Variants in VDAC1 observed in about 807,000 individuals in gnomAD.
VDAC1 encodes the protein voltage dependent anion channel 1.
VDAC1 carries 10 observed loss-of-function variants against 34.7 expected under a neutral mutation model. The ratio of observed to expected loss-of-function variants is 0.29; its 90% CI spans 0.18 to 0.49. The LOEUF is 0.49. Ranked by LOEUF, VDAC1 falls within the 20% of genes least tolerant of loss-of-function variation. The probability of loss-of-function intolerance (pLI) is 0.99; values close to 1 mark genes in which losing one functional copy is unlikely to be tolerated. For synonymous variants in VDAC1, 130 were observed against 136.0 expected (o/e 0.96, Z 0.30); for missense variants, 230 against 347.9 (o/e 0.66, Z 2.69).
the VDAC1 span, among the ~76,000 whole-genome samples, chr5:134,109,954 GCA>G: frequency 3.7e-4 from 56 of 152,268 alleles, no homozygotes; most frequent in African/African-American, 1.3e-3. Flanking sequence ...CTAGGACCTG[GCA>G]CACAGTGGCC....
the VDAC1 span, among the ~76,000 whole-genome samples, chr5:134,012,789 A>C: frequency 6.6e-6 from 1 of 152,194 alleles, no homozygotes; most frequent in Non-Finnish European, 1.5e-5. Flanking sequence ...TAACCAAAGG[A>C]TCCTAAGCAA....
chr5:134,028,072 T>C, the VDAC1 span, among the ~76,000 whole-genome samples: 1 of 150,692 alleles, frequency 6.6e-6, no homozygotes, highest in East Asian at 2.0e-4. Flanking sequence ...TGCCTGGCCA[T>C]GTCCAGGTAT....
the VDAC1 span, among the ~76,000 whole-genome samples, chr5:134,051,781 C>T: frequency 2.0e-5 from 3 of 152,082 alleles, no homozygotes; most frequent in South Asian, 4.1e-4. Flanking sequence ...TCACTGCAAC[C>T]TCCACCTCCC....
the VDAC1 span, among the ~76,000 whole-genome samples, chr5:134,051,493 T>A: frequency 6.6e-6 from 1 of 152,180 alleles, no homozygotes; most frequent in Non-Finnish European, 1.5e-5. Flanking sequence ...TGCCCTTCTG[T>A]GAGCTTGATC....
the VDAC1 span, among the ~76,000 whole-genome samples, chr5:134,073,229 A>G: frequency 1.3e-5 from 2 of 152,126 alleles, no homozygotes; most frequent in African/African-American, 4.8e-5. Context: ...CTCCTTGAAT[A>G]TTGTCTTCCT....
chr5:134,040,677 A>G, the VDAC1 span, among the ~76,000 whole-genome samples: 1 of 152,322 alleles, frequency 6.6e-6, no homozygotes, highest in East Asian at 1.9e-4. Flanking sequence ...CGGTGAGCCA[A>G]TATCGTACTG....
At chr5:134,077,623 C>A in the VDAC1 span, among the ~76,000 whole-genome samples, 443 of 152,344 alleles carry the variant, frequency 2.9e-3, 3 homozygotes, top group African/African-American at 9.9e-3. Flanking sequence ...GAGCTTAATG[C>A]ATACTCGCTC....
the VDAC1 span, among the ~76,000 whole-genome samples, chr5:134,050,849 G>A: frequency 1.3e-5 from 2 of 152,168 alleles, no homozygotes; most frequent in Admixed American, 6.5e-5. Flanking sequence ...ATGGAAGCAG[G>A]GGCTCAGGTG....
At chr5:134,013,677 T>G in the VDAC1 span, among the ~76,000 whole-genome samples, 1 of 152,110 alleles carries the variant, frequency 6.6e-6, no homozygotes, top group South Asian at 2.1e-4. Flanking sequence ...GCACGGTGGC[T>G]CACACCTGTA....
chr5:134,019,912 C>T, the VDAC1 span, among the ~76,000 whole-genome samples: 1 of 152,180 alleles, frequency 6.6e-6, no homozygotes, highest in South Asian at 2.1e-4. Flanking sequence ...CTCCTCTGTC[C>T]TGGTTGCCAG....
At chr5:133,997,523 C>G (rs1753362067) in intron 1 of VDAC1, among the ~76,000 whole-genome samples, 1 of 149,852 alleles carries the variant, frequency 6.7e-6, no homozygotes, top group South Asian at 2.1e-4. Flanking sequence ...CATGGCAAAA[C>G]CCCGTCTCTA....
the VDAC1 span, among the ~76,000 whole-genome samples, chr5:134,016,351 C>A: frequency 6.6e-6 from 1 of 152,188 alleles, no homozygotes; most frequent in African/African-American, 2.4e-5. Context: ...GGCTGGAATC[C>A]TACCAGAAAA....
the VDAC1 span, among the ~76,000 whole-genome samples, chr5:134,110,587 G>A: frequency 2.0e-5 from 3 of 152,236 alleles, no homozygotes; most frequent in African/African-American, 7.2e-5. Flanking sequence ...CTGTAACCGG[G>A]TTTTGCCCTG....
the VDAC1 span, among the ~76,000 whole-genome samples, chr5:134,019,595 C>G: frequency 1.3e-5 from 2 of 152,124 alleles, no homozygotes; most frequent in Middle Eastern, 3.4e-3. Flanking sequence ...AACAAACAAA[C>G]AAACAAAAAA....
At chr5:134,036,983 CAAAA>C in the VDAC1 span, among the ~76,000 whole-genome samples, 7 of 151,376 alleles carry the variant, frequency 4.6e-5, no homozygotes, top group South Asian at 2.1e-4. Flanking sequence ...AACAAACAAA[CAAAA>C]AAACTGAAGC....
intron 1 of VDAC1, among the ~76,000 whole-genome samples, chr5:133,994,723 A>AT (rs901044222): frequency 3.9e-5 from 6 of 152,298 alleles, no homozygotes; most frequent in South Asian, 2.1e-4. Flanking sequence ...GACACAGAAC[A>AT]TAACAGTAAC....
chr5:134,007,566 A>G (rs187095621), upstream of VDAC1, among the ~76,000 whole-genome samples: 1 of 151,876 alleles, frequency 6.6e-6, no homozygotes, highest in Non-Finnish European at 1.5e-5. Context: ...CCTCCATTCC[A>G]TCTGCCACAG....
rs1319822111 is a variant in VDAC1, at chr5:133,986,627, C to A, written c.323+4228G>T. 3.3e-5 allele frequency among the ~76,000 whole-genome samples: 5 copies of A among 152,274 alleles called. No homozygotes were observed. In the East Asian group the frequency reaches 9.6e-4, roughly 29 times the overall value. On this transcript the variant is annotated intron_variant, in intron 5 of 8. Coordinates refer to ENST00000265333, the MANE Select transcript of VDAC1 (RefSeq NM_003374.3). ...GGTCTCAAACACCTGACCTCGTGAT[C>A]CACCTGCCTCAGCATTCCAAAGTGC...
intron 1 of VDAC1, among the ~76,000 whole-genome samples, chr5:133,996,251 G>A (rs1363257384): frequency 6.6e-6 from 1 of 152,210 alleles, no homozygotes; most frequent in Non-Finnish European, 1.5e-5. Flanking sequence ...CCTGCCTGCA[G>A]TCACTGAAGA....
Sources: allele counts gnomAD v4.1 joint callset (sites outside exome capture counted in the v4.1 genomes callset), GRCh38; gene constraint gnomAD v4.1.1; transcripts MANE v1.5; gene names NCBI Gene and HGNC (gene_info 2026-07-23, HGNC 2026-07-21).